PLEKHA7: variants seen among roughly 807,000 people sequenced by gnomAD.
PLEKHA7 encodes the protein pleckstrin homology domain containing A7, also known as pleckstrin homology domain-containing family A member 7.
PLEKHA7 carries 104 observed loss-of-function variants against 170.0 expected under a neutral mutation model. That is an observed-to-expected ratio of 0.61 (90% CI 0.52 to 0.72). The LOEUF (loss-of-function observed/expected upper bound fraction) is 0.72. Ranked by LOEUF, PLEKHA7 falls within the 30% of genes least tolerant of loss-of-function variation. PLEKHA7 has a pLI of 0.00. For missense variants in PLEKHA7, 1,615 were observed against 1,671.7 expected (o/e 0.97, Z 0.59); for synonymous variants, 648 against 660.8 (o/e 0.98, Z 0.30).
intron 4 of PLEKHA7, among the ~76,000 whole-genome samples, chr11:16,857,359 G>A (rs1178125749): frequency 6.6e-6 from 1 of 152,202 alleles, no homozygotes. Flanking sequence ...TATCAGCTCA[G>A]ACACTCACTC....
intron 3 of PLEKHA7, among the ~76,000 whole-genome samples, chr11:16,876,564 T>A (rs926369842): frequency 1.3e-5 from 2 of 152,178 alleles, no homozygotes; most frequent in Non-Finnish European, 2.9e-5. Flanking sequence ...TCCACATAAA[T>A]AAGCATGTCT....
intron 4 of PLEKHA7, among the ~76,000 whole-genome samples, chr11:16,861,887 C>CT (rs113197287): frequency 2.6e-5 from 4 of 151,970 alleles, no homozygotes; most frequent in East Asian, 3.9e-4. Flanking sequence ...ACACCAGCAC[C>CT]TTTTTTTTAG....
At chr11:16,914,714 T>C (rs1166495418) in intron 3 of PLEKHA7, among the ~76,000 whole-genome samples, 1 of 152,222 alleles carries the variant, frequency 6.6e-6, no homozygotes, top group Non-Finnish European at 1.5e-5. Flanking sequence ...CAATGTCCAC[T>C]GCATACCAGG....
intron 3 of PLEKHA7, among the ~76,000 whole-genome samples, chr11:16,919,387 A>C (rs1467094148): frequency 2.0e-5 from 3 of 152,188 alleles, no homozygotes; most frequent in African/African-American, 7.2e-5. Context: ...CAGTAAGAAA[A>C]TAAAAAGAAC....
rs112583922 is a variant in PLEKHA7 at position 16,849,407 on chromosome 11, A to G, written c.696+1784T>C. Reference sequence around the variant, plus strand: ...ACTGGGCAGTGCTCAACTCTAGAAAAGAGGGTTTCCTAAGGAAGATTTTTC... The same window carrying G: ...ACTGGGCAGTGCTCAACTCTAGAAAGGAGGGTTTCCTAAGGAAGATTTTTC... On this transcript the variant is annotated intron_variant, in intron 8 of 26. Transcript: ENST00000531066. Among the ~76,000 whole-genome samples, 1,328 of 152,350 alleles carry G rather than the reference A, an allele frequency of 8.7e-3. 22 individuals are homozygous for G. The highest frequency in any genetic ancestry group is 0.03 in the African/African-American group (1,268 of 41,574).
At chr11:16,882,674 G>A (rs1473316508) in intron 3 of PLEKHA7, among the ~76,000 whole-genome samples, 16 of 152,134 alleles carry the variant, frequency 1.1e-4, no homozygotes, top group Admixed American at 8.5e-4. Context: ...AGGTTTAAGA[G>A]CACAAACCCC....
chr11:16,947,933 GAA>G lies in PLEKHA7; in HGVS notation c.221+66054_221+66055del, dbSNP rs1264596157. Among the ~76,000 whole-genome samples, 3 of 141,590 alleles carry G rather than the reference GAA, an allele frequency of 2.1e-5. No individual in the cohort carries two copies. The East Asian group carries it at 6.2e-4, about 29-fold the overall frequency. The allele number at this position is 141,590 out of a possible 152,430, so 92.9% of individuals were successfully genotyped here. A position where few individuals can be genotyped will look rare whatever the true frequency, so the allele number is the denominator to read the frequency against. On this transcript the variant is annotated intron_variant, in intron 3 of 26. Coordinates refer to ENST00000531066, the MANE Select transcript of PLEKHA7 (RefSeq NM_001329630.2). ...TCCGTCTCAAAAAAAAAAAAAAAAAGAAAAAAAAGAAAAAAAGAAAAGAAAAC... is the reference window on the plus strand; with the variant it reads ...TCCGTCTCAAAAAAAAAAAAAAAAAGAAAAAAGAAAAAAAGAAAAGAAAAC...
chr11:16,970,983 T>G (rs2136710703), intron 3 of PLEKHA7, among the ~76,000 whole-genome samples: 1 of 152,304 alleles, frequency 6.6e-6, no homozygotes, highest in Admixed American at 6.5e-5. Flanking sequence ...TTAAAGTGCT[T>G]TATCAACTGT....
At chr11:16,894,202 G>T (rs998973048) in intron 3 of PLEKHA7, among the ~76,000 whole-genome samples, 2 of 152,190 alleles carry the variant, frequency 1.3e-5, no homozygotes, top group Non-Finnish European at 2.9e-5. Context: ...ATCAGGGGTT[G>T]GGGGACAGAC....
At chr11:16,818,281 C>A (rs1040857043) in intron 10 of PLEKHA7, among the ~76,000 whole-genome samples, 1 of 152,230 alleles carries the variant, frequency 6.6e-6, no homozygotes, top group East Asian at 1.9e-4. Flanking sequence ...TATTACCTGC[C>A]TCATAAGGCT....
chr11:16,987,490 G>T (rs1213559617), intron 3 of PLEKHA7, among the ~76,000 whole-genome samples: 4 of 152,190 alleles, frequency 2.6e-5, no homozygotes, highest in Non-Finnish European at 5.9e-5. Context: ...GAGGCGTGGT[G>T]AAAACAGCCC....
intron 3 of PLEKHA7, among the ~76,000 whole-genome samples, chr11:16,999,435 C>T (rs1864536925): frequency 6.6e-6 from 1 of 151,948 alleles, no homozygotes; most frequent in Non-Finnish European, 1.5e-5. Context: ...TGGTCACTCA[C>T]AAGCTCAGTC....
intron 3 of PLEKHA7, among the ~76,000 whole-genome samples, chr11:16,898,760 A>T (rs1675024541): frequency 6.6e-6 from 1 of 152,138 alleles, no homozygotes; most frequent in Admixed American, 6.5e-5. Context: ...CACGTGGACT[A>T]GTCCAACACC....
intron 12 of PLEKHA7, among the ~76,000 whole-genome samples, chr11:16,815,504 G>A (rs889347400): frequency 5.9e-5 from 9 of 152,178 alleles, no homozygotes; most frequent in Non-Finnish European, 7.4e-5. Flanking sequence ...AACCAACAGT[G>A]CAACCTCACC....
rs755724353 is a variant in PLEKHA7, at chr11:16,778,500, C to G, written c.*498G>C. The G allele has an allele frequency of 9.4e-5, 17 of 181,616 alleles. No individual in the cohort carries two copies. Among genetic ancestry groups the G allele is most frequent in the Non-Finnish European group, 1.7e-4 (14 of 84,148 alleles). The allele number at this position is 181,616 out of a possible 1,614,324, so 11.3% of individuals were successfully genotyped here. On this transcript the variant is annotated 3_prime_UTR_variant, in exon 27 of 27. Transcript: ENST00000531066. ...CTGATCTCTGCAGCCAAGGGCCCCTCTTCTCCCAGACAGCACGCCAACCAG... is the reference window on the plus strand; with the variant it reads ...CTGATCTCTGCAGCCAAGGGCCCCTGTTCTCCCAGACAGCACGCCAACCAG...
chr11:16,897,513 G>A (rs1370049747), intron 3 of PLEKHA7, among the ~76,000 whole-genome samples: 1 of 152,212 alleles, frequency 6.6e-6, no homozygotes, highest in Non-Finnish European at 1.5e-5. Context: ...CTGGCTGGGA[G>A]CAGGGGACTG....
chr11:16,854,818 T>C (rs1489533190), intron 6 of PLEKHA7, 71 bp downstream of exon 6: 3 of 1,374,948 alleles, frequency 2.2e-6, no homozygotes, highest in Non-Finnish European at 2.1e-6. Context: ...CCTAGCTTCC[T>C]GGTGCCTGGG....
intron 21 of PLEKHA7, chr11:16,790,100 C>A (rs1847736558): frequency 1.8e-5 from 10 of 556,992 alleles, no homozygotes. Context: ...AGTGTCCCTG[C>A]AGATCTGTGG....
intron 3 of PLEKHA7, among the ~76,000 whole-genome samples, chr11:17,005,221 A>C (rs1249500438): frequency 2.0e-5 from 3 of 152,102 alleles, no homozygotes; most frequent in Non-Finnish European, 4.4e-5. Context: ...CACCAAATTT[A>C]CTCCCATAGA....
Sources: gnomAD v4.1 joint callset for allele counts (sites outside exome capture counted in the v4.1 genomes callset) on GRCh38, gnomAD v4.1.1 for gene constraint, MANE v1.5 for transcripts, NCBI Gene and HGNC (gene_info 2026-07-23, HGNC 2026-07-21) for gene names.